The following TYW1 variants were observed in gnomAD, a reference collection of about 807,000 sequenced individuals.
The protein encoded by TYW1 is S-adenosyl-L-methionine-dependent tRNA 4-demethylwyosine synthase TYW1.
In TYW1, 46 loss-of-function variants were observed where a neutral mutation model predicts 96.2. The observed-to-expected ratio is 0.48, with a 90% CI of 0.38 to 0.61. The LOEUF is 0.61. Ranked by LOEUF, TYW1 falls within the 20% of genes least tolerant of loss-of-function variation. TYW1 has a pLI of 0.00. For synonymous variants in TYW1, 274 were observed against 323.0 expected (o/e 0.85, Z 1.63); for missense variants, 684 against 909.6 (o/e 0.75, Z 3.19).
chr7:67,198,097 C>T (rs1800463702), intron 15 of TYW1, among the ~76,000 whole-genome samples: 1 of 152,038 alleles, frequency 6.6e-6, no homozygotes, highest in Admixed American at 6.6e-5. Context: ...CTCTTACAAC[C>T]ACAATACAGT....
intron 15 of TYW1, among the ~76,000 whole-genome samples, chr7:67,200,777 T>G (rs1232078618): frequency 1.3e-5 from 2 of 152,128 alleles, no homozygotes; most frequent in Non-Finnish European, 2.9e-5. Flanking sequence ...GACTACTTGG[T>G]CCCATCAGGA....
At chr7:67,094,805 T>C (rs1055931230) in intron 11 of TYW1, among the ~76,000 whole-genome samples, 2 of 152,022 alleles carry the variant, frequency 1.3e-5, no homozygotes, top group Non-Finnish European at 2.9e-5. Context: ...GTGGCCAACC[T>C]GGGGATTCAT....
chr7:67,092,579 C>CCTG (rs1796757446), intron 11 of TYW1, among the ~76,000 whole-genome samples: 1 of 152,024 alleles, frequency 6.6e-6, no homozygotes, highest in South Asian at 2.1e-4. Flanking sequence ...TCCTGACCAG[C>CCTG]CTGATTGACA....
At chr7:67,147,770 G>A (rs1478710471) in intron 13 of TYW1, among the ~76,000 whole-genome samples, 5 of 151,930 alleles carry the variant, frequency 3.3e-5, no homozygotes, top group African/African-American at 4.8e-5. Context: ...TCTTTTTTAC[G>A]TCTGCAAGGT....
rs1798396104 is a variant in TYW1 at position 67,140,058 on chromosome 7, A to C, written c.1698+22440A>C. Among the ~76,000 whole-genome samples the C allele has an allele frequency of 2.1e-5, 3 of 145,024 alleles. No individual in the cohort carries two copies. In the South Asian group the frequency reaches 6.7e-4, roughly 32 times the overall value. On this transcript the variant is annotated intron_variant, in intron 13 of 15. Transcript: ENST00000359626. The stretch of plus-strand genomic sequence containing the variant: ...GGCAAGGAGGAGCAAGTCACATCTT[A>C]CATGGATGGTGGCAGGCAAAAAAAA...
chr7:67,228,105 ATGAAG>A (rs1402419821), intron 15 of TYW1, among the ~76,000 whole-genome samples: 1 of 152,220 alleles, frequency 6.6e-6, no homozygotes, highest in Non-Finnish European at 1.5e-5. Context: ...TGACGGCTAA[ATGAAG>A]TGAAGTATAA....
At chr7:67,121,582 T>C (rs1469448298) in intron 13 of TYW1, among the ~76,000 whole-genome samples, 39 of 151,752 alleles carry the variant, frequency 2.6e-4, no homozygotes, top group African/African-American at 4.9e-5. Context: ...ACTCAAGTGA[T>C]ACCAGATTAC....
intron 13 of TYW1, among the ~76,000 whole-genome samples, chr7:67,161,517 C>A (rs12154409): frequency 0.28 from 42,702 of 151,916 alleles, 6,512 homozygotes; most frequent in African/African-American, 0.4. Flanking sequence ...TTTTGCATGC[C>A]TGTGTGCTCT....
At chr7:67,015,835 T>C (rs1321085668) in intron 5 of TYW1, among the ~76,000 whole-genome samples, 4 of 151,696 alleles carry the variant, frequency 2.6e-5, no homozygotes, top group South Asian at 2.1e-4. Flanking sequence ...TGGTGGCGGG[T>C]GCCTGTAGTT....
At chr7:67,101,808 T>C (rs1290238500) in intron 12 of TYW1, among the ~76,000 whole-genome samples, 7 of 151,876 alleles carry the variant, frequency 4.6e-5, no homozygotes, top group Admixed American at 6.6e-5. Context: ...TGAAATTTAA[T>C]GTCATAGGAA....
intron 14 of TYW1, among the ~76,000 whole-genome samples, chr7:67,189,249 T>A (rs1449993692): frequency 5.3e-5 from 8 of 152,144 alleles, no homozygotes; most frequent in African/African-American, 1.4e-4. Context: ...TGGCCAGGCA[T>A]GCCCTCGGCA....
chr7:67,041,009 G>T (rs1200879746), intron 7 of TYW1, among the ~76,000 whole-genome samples: 1 of 151,952 alleles, frequency 6.6e-6, no homozygotes, highest in Non-Finnish European at 1.5e-5. Context: ...TTATTTTTTT[G>T]AAATGAAATG....
At chr7:67,090,771 C>T (rs1321882111) in intron 11 of TYW1, among the ~76,000 whole-genome samples, 2 of 152,094 alleles carry the variant, frequency 1.3e-5, no homozygotes, top group African/African-American at 4.8e-5. Context: ...TGTCCTGTGT[C>T]TCATGTGGAC....
chr7:67,207,436 G>A (rs6954515), intron 15 of TYW1, among the ~76,000 whole-genome samples: 40,766 of 151,886 alleles, frequency 0.27, 5,825 homozygotes, highest in African/African-American at 0.36. Flanking sequence ...TTGCTATTTT[G>A]TATGTCATCA....
intron 15 of TYW1, among the ~76,000 whole-genome samples, chr7:67,226,059 C>G (rs188991159): frequency 2.6e-5 from 4 of 151,772 alleles, no homozygotes; most frequent in Non-Finnish European, 5.9e-5. Context: ...CACAAGATAC[C>G]ACTGTAATGA....
chr7:67,186,352 A>G (rs557261909), intron 14 of TYW1, among the ~76,000 whole-genome samples: 34 of 148,938 alleles, frequency 2.3e-4, no homozygotes, highest in Admixed American at 9.7e-4. Context: ...TCTGAAAAAA[A>G]TCAGTCAACA....
chr7:67,159,795 T>TTTTATTTAA (rs1799100919), intron 13 of TYW1, among the ~76,000 whole-genome samples: 1 of 149,544 alleles, frequency 6.7e-6, no homozygotes, highest in Non-Finnish European at 1.5e-5. Context: ...TTTTATTTTA[T>TTTTATTTAA]TTTATTTATT....
intron 14 of TYW1, among the ~76,000 whole-genome samples, chr7:67,192,037 A>C (rs1014604796): frequency 7.2e-5 from 11 of 151,748 alleles, no homozygotes; most frequent in Non-Finnish European, 1.3e-4. Context: ...CTGGGATTAC[A>C]GGCGGGCACC....
At chr7:67,113,653 T>G (rs1398290746) in intron 12 of TYW1, among the ~76,000 whole-genome samples, 2 of 151,774 alleles carry the variant, frequency 1.3e-5, no homozygotes, top group East Asian at 3.9e-4. Flanking sequence ...TTCTTTTTTT[T>G]TTTGATGTGG....
Sources: gnomAD v4.1 joint callset for allele counts (sites outside exome capture counted in the v4.1 genomes callset) on GRCh38, gnomAD v4.1.1 for gene constraint, MANE v1.5 for transcripts, NCBI Gene and HGNC (gene_info 2026-07-23, HGNC 2026-07-21) for gene names.